Variants in CSNK2A2 observed in about 807,000 individuals in gnomAD.
CSNK2A2 encodes the protein casein kinase II subunit alpha'.
Under a neutral mutation model 54.0 loss-of-function variants are expected in CSNK2A2, and 8 were observed. That is an observed-to-expected ratio of 0.15 (90% CI 0.09 to 0.27). The LOEUF is 0.27. Ranked by LOEUF, CSNK2A2 falls within the 10% of genes least tolerant of loss-of-function variation. The probability of loss-of-function intolerance (pLI) is 1.00; values close to 1 mark genes in which losing one functional copy is unlikely to be tolerated. For synonymous variants in CSNK2A2, 141 were observed against 153.9 expected (o/e 0.92, Z 0.62); for missense variants, 242 against 439.4 (o/e 0.55, Z 4.02).
At position 58,190,370 on chromosome 16, in the gene CSNK2A2, G is replaced by A. The variant is rs183940867; in HGVS notation, c.217-3514C>T. The stretch of plus-strand genomic sequence containing the variant: ...TTTTACTCTACTACCAAACTAACAA[G>A]TGCTCCACCAAGATATTAATTTCAT... On this transcript the variant is annotated intron_variant, in intron 2 of 11. Coordinates refer to ENST00000262506, the MANE Select transcript of CSNK2A2 (RefSeq NM_001896.4). Among the ~76,000 whole-genome samples, 550 of 152,014 alleles carry A rather than the reference G, an allele frequency of 3.6e-3. 2 individuals are homozygous for A. The highest frequency in any genetic ancestry group is 0.013 in the African/African-American group (523 of 41,392).
At position 58,164,157 on chromosome 16, in the gene CSNK2A2, A is replaced by T; in HGVS notation, c.977-10T>A. On this transcript the variant is annotated splice_polypyrimidine_tract_variant and intron_variant, in intron 10 of 11. Coordinates refer to ENST00000262506, the MANE Select transcript of CSNK2A2 (RefSeq NM_001896.4). ...TCCTTCACCACAGGGTCTGCAAGAA[A>T]GCAGGAGGAAAGTCAGGCAATCAGG... 1.2e-6 allele frequency: 2 copies of T among 1,613,588 alleles called. No individual in the cohort carries two copies. The highest frequency in any genetic ancestry group is 1.7e-6 in the Non-Finnish European group (2 of 1,179,704).
In CSNK2A2 at chr16:58,168,818, G is replaced by A. The variant is rs536757753; in HGVS notation, c.430-125C>T. ...TCCCCCAACGGGCAGCTTGCTGCCTGTAATGAAAGAGAAAAAAAGCGTGCT... is the reference window on the plus strand; with the variant it reads ...TCCCCCAACGGGCAGCTTGCTGCCTATAATGAAAGAGAAAAAAAGCGTGCT... On this transcript the variant is annotated intron_variant, in intron 5 of 11. Coordinates refer to ENST00000262506, the MANE Select transcript of CSNK2A2 (RefSeq NM_001896.4). 4 of 690,444 alleles carry A rather than the reference G, an allele frequency of 5.8e-6. No individual in the cohort carries two copies. The Admixed American group carries it at 8.7e-5, about 15-fold the overall frequency. The allele number at this position is 690,444 out of a possible 1,614,324, so 42.8% of individuals were successfully genotyped here. A position where few individuals can be genotyped will look rare whatever the true frequency, so the allele number is the denominator to read the frequency against.
In CSNK2A2 at chr16:58,191,575, C is replaced by T. The variant is rs572808198; in HGVS notation, c.217-4719G>A. Among the ~76,000 whole-genome samples, 4 of 152,268 alleles carry T rather than the reference C, an allele frequency of 2.6e-5. No individual in the cohort carries two copies. The East Asian group carries it at 7.7e-4, about 29-fold the overall frequency. ...ACGGAGTTTCACCAGGTTGGCCAGG[C>T]TGGTCTCGAACTCCTGACGTCAGGT... On this transcript the variant is annotated intron_variant, in intron 2 of 11. Coordinates refer to ENST00000262506, the MANE Select transcript of CSNK2A2 (RefSeq NM_001896.4).
intron 5 of CSNK2A2, 87 bp downstream of exon 5, chr16:58,174,364 T>A (rs1961821334): frequency 2.2e-6 from 2 of 923,458 alleles, no homozygotes; most frequent in Non-Finnish European, 3.3e-6. Flanking sequence ...CAAGAAACAT[T>A]CTGCTTAAGT....
chr16:58,168,494 G>GA (rs1462081818), intron 6 of CSNK2A2, 116 bp downstream of exon 6: 2 of 704,848 alleles, frequency 2.8e-6, no homozygotes, highest in South Asian at 1.9e-5. Context: ...TCACAGTAAC[G>GA]AAAGTTTGCC....
At chr16:58,186,311 T>G (rs1962191561) in intron 3 of CSNK2A2, among the ~76,000 whole-genome samples, 1 of 152,242 alleles carries the variant, frequency 6.6e-6, no homozygotes, top group African/African-American at 2.4e-5. Flanking sequence ...ACAGGGTCAG[T>G]GGAGCTGGGA....
At chr16:58,176,134 G>C (rs1038291573) in intron 4 of CSNK2A2, among the ~76,000 whole-genome samples, 3 of 152,198 alleles carry the variant, frequency 2.0e-5, no homozygotes, top group Non-Finnish European at 4.4e-5. Context: ...CACTCACAGA[G>C]ACTAGGCTAA....
intron 6 of CSNK2A2, 117 bp downstream of exon 6, chr16:58,168,492 AC>A: frequency 1.5e-6 from 1 of 682,306 alleles, no homozygotes; most frequent in Non-Finnish European, 2.6e-6. Flanking sequence ...AATCACAGTA[AC>A]GAAAGTTTGC....
intron 5 of CSNK2A2, among the ~76,000 whole-genome samples, chr16:58,172,845 C>G (rs549614614): frequency 2.6e-5 from 4 of 152,312 alleles, no homozygotes; most frequent in African/African-American, 9.6e-5. Flanking sequence ...CACTGCCTAG[C>G]TGCTACCTCC....
intron 3 of CSNK2A2, among the ~76,000 whole-genome samples, chr16:58,184,942 T>C (rs1372833251): frequency 6.6e-6 from 1 of 152,220 alleles, no homozygotes; most frequent in East Asian, 1.9e-4. Context: ...TGTCTCATCT[T>C]ATCAAGCAGA....
chr16:58,174,410 A>C, intron 5 of CSNK2A2, 41 bp downstream of exon 5: 6 of 1,353,658 alleles, frequency 4.4e-6, no homozygotes, highest in Non-Finnish European at 5.2e-6. Context: ...CTTTTAATGA[A>C]CAGGCCTGAA....
chr16:58,180,745 A>G (rs1333819474), intron 4 of CSNK2A2, among the ~76,000 whole-genome samples: 2 of 152,208 alleles, frequency 1.3e-5, no homozygotes, highest in Non-Finnish European at 2.9e-5. Context: ...TACTGAAAAG[A>G]ATGGGCTGCG....
At chr16:58,185,153 GA>G (rs59367405) in intron 3 of CSNK2A2, among the ~76,000 whole-genome samples, 236 of 144,866 alleles carry the variant, frequency 1.6e-3, no homozygotes, top group Non-Finnish European at 2.3e-3. Flanking sequence ...AGGGGTTATA[GA>G]AAAAAAAAAA....
At chr16:58,169,309 G>C (rs939196023) in intron 5 of CSNK2A2, among the ~76,000 whole-genome samples, 4 of 152,076 alleles carry the variant, frequency 2.6e-5, no homozygotes, top group African/African-American at 9.7e-5. Flanking sequence ...GGAGGCCGAG[G>C]CAGGTGGATC....
At position 58,165,616 on chromosome 16, in the gene CSNK2A2, C is replaced by T. The variant is rs755124535; in HGVS notation, c.920G>A (p.Arg307Gln). The T allele has an allele frequency of 6.8e-5, 110 of 1,613,928 alleles. No individual in the cohort carries two copies. Among genetic ancestry groups the T allele is most frequent in the Non-Finnish European group, 7.3e-5 (86 of 1,179,958 alleles). ...EALDLLDKLL[R>Q]YDHQQRLTAK... ...AGTCAGTCTCTGTTGATGGTCGTAT[C>T]GCAGAAGTTTGTCCAGAAGATCTAG... The change falls in exon 10 of 12, where the codon CGA becomes CAA. Residue 307 changes from arginine (R) to glutamine (Q), a missense_variant. By Grantham distance (43) the Arg-to-Gln change is conservative. Transcript: ENST00000262506.
intron 5 of CSNK2A2, among the ~76,000 whole-genome samples, chr16:58,172,517 G>A (rs1225213723): frequency 1.3e-5 from 2 of 152,148 alleles, no homozygotes; most frequent in Non-Finnish European, 2.9e-5. Flanking sequence ...TCTTTTCAAA[G>A]AGAAAATTTA....
chr16:58,174,926 A>T (rs1961837184), intron 4 of CSNK2A2, among the ~76,000 whole-genome samples: 1 of 152,224 alleles, frequency 6.6e-6, no homozygotes, highest in Non-Finnish European at 1.5e-5. Context: ...TGGATGGCAG[A>T]GCTCTGAAGA....
intron 2 of CSNK2A2, among the ~76,000 whole-genome samples, chr16:58,187,619 TG>T: frequency 6.6e-6 from 1 of 152,390 alleles, no homozygotes; most frequent in East Asian, 1.9e-4. Flanking sequence ...GAAACAGTTC[TG>T]AAAAAGTAAG....
At chr16:58,184,233 C>A in intron 4 of CSNK2A2, 27 bp downstream of exon 4, 2 of 1,580,012 alleles carry the variant, frequency 1.3e-6, no homozygotes, top group Non-Finnish European at 1.7e-6. Flanking sequence ...CCCGTTAACC[C>A]CATGCCAGAA....
Sources: allele counts gnomAD v4.1 joint callset (sites outside exome capture counted in the v4.1 genomes callset), GRCh38; gene constraint gnomAD v4.1.1; transcripts MANE v1.5; gene names NCBI Gene and HGNC (gene_info 2026-07-23, HGNC 2026-07-21).